Variants in PRUNE2 observed in about 807,000 individuals in gnomAD.
The protein encoded by PRUNE2 is prune homolog 2 with BCH domain, also known as protein prune homolog 2.
A neutral mutation model predicts 252.0 loss-of-function variants in PRUNE2; 164 were observed. The observed-to-expected ratio is 0.65, with a 90% CI of 0.57 to 0.74. The LOEUF (loss-of-function observed/expected upper bound fraction) is 0.74. Among genes scored for constraint, PRUNE2 ranks in the 30% least tolerant of loss-of-function variants. PRUNE2 has a pLI of 0.00. For missense variants in PRUNE2, 3,495 were observed against 3,711.0 expected (o/e 0.94, Z 1.51); for synonymous variants, 1,292 against 1,350.2 (o/e 0.96, Z 0.94).
intron 6 of PRUNE2, among the ~76,000 whole-genome samples, chr9:76,760,913 C>G (rs913295835): frequency 6.6e-6 from 1 of 152,002 alleles, no homozygotes; most frequent in African/African-American, 2.4e-5. Flanking sequence ...CTGCGAAACT[C>G]CATCTCTATT....
At chr9:76,798,806 A>G (rs1246995455) in intron 6 of PRUNE2, among the ~76,000 whole-genome samples, 2 of 152,042 alleles carry the variant, frequency 1.3e-5, no homozygotes, top group African/African-American at 4.8e-5. Flanking sequence ...CCTATACTAA[A>G]CGGTGTGAGT....
intron 6 of PRUNE2, among the ~76,000 whole-genome samples, chr9:76,755,257 T>A (rs1229236840): frequency 6.6e-6 from 1 of 152,182 alleles, no homozygotes; most frequent in Non-Finnish European, 1.5e-5. Context: ...GTTCACACCA[T>A]ATCTTTGATA....
At position 76,703,104 on chromosome 9, in the gene PRUNE2, A is replaced by T. The variant is rs535940717; in HGVS notation, c.8276+233T>A. Among the ~76,000 whole-genome samples the T allele has an allele frequency of 4.8e-5, 3 of 62,442 alleles. No homozygotes were observed. The South Asian group carries it at 1.6e-3, about 34-fold the overall frequency. The allele number at this position is 62,442 out of a possible 152,430, so 41.0% of individuals were successfully genotyped here. ...GTAGGTGGGGTGGCAGTTGGGGGGTAGGTATAAGACTGAATGAAAATTGAA... is the reference window on the plus strand; with the variant it reads ...GTAGGTGGGGTGGCAGTTGGGGGGTTGGTATAAGACTGAATGAAAATTGAA... On this transcript the variant is annotated intron_variant, in intron 9 of 18. Coordinates refer to ENST00000376718, the MANE Select transcript of PRUNE2 (RefSeq NM_015225.3).
intron 2 of PRUNE2, among the ~76,000 whole-genome samples, chr9:76,851,241 G>T (rs537604111): frequency 1.3e-5 from 2 of 152,192 alleles, no homozygotes; most frequent in East Asian, 3.9e-4. Context: ...TTCAGGCCCA[G>T]TGTAGTTAAA....
intron 9 of PRUNE2, among the ~76,000 whole-genome samples, chr9:76,690,403 G>A (rs2044585318): frequency 6.6e-6 from 1 of 152,202 alleles, no homozygotes; most frequent in Non-Finnish European, 1.5e-5. Flanking sequence ...GCTTTTATTT[G>A]CTGTAGATAA....
At position 76,828,175 on chromosome 9, in the gene PRUNE2, G is replaced by A. The variant is rs977668359; in HGVS notation, c.509-1443C>T. 3.0e-4 allele frequency among the ~76,000 whole-genome samples: 45 copies of A among 152,330 alleles called. No homozygotes were observed. The Middle Eastern group carries it at 0.01, about 35-fold the overall frequency. The stretch of plus-strand genomic sequence containing the variant: ...GTTCAGAGGAGTCTTCCTAGAGAAA[G>A]TTAACCTAAGCTGAGCTTGAAGGAT... On this transcript the variant is annotated intron_variant, in intron 4 of 18. Transcript: ENST00000376718.
In PRUNE2 at chr9:76,619,465, A is replaced by G. The variant is rs78467375; in HGVS notation, c.9189-78T>C. The G allele has an allele frequency of 3.0e-3, 2,934 of 976,968 alleles. 14 individuals are homozygous for G. The highest frequency in any genetic ancestry group is 2.8e-3 in the Non-Finnish European group (1,741 of 625,590). The allele number at this position is 976,968 out of a possible 1,614,324, so 60.5% of individuals were successfully genotyped here. A position where few individuals can be genotyped will look rare whatever the true frequency, so the allele number is the denominator to read the frequency against. On this transcript the variant is annotated intron_variant, in intron 17 of 18. Coordinates refer to ENST00000376718, the MANE Select transcript of PRUNE2 (RefSeq NM_015225.3). Reference sequence around the variant, plus strand: ...TGTGAAAGCACAACAGATTTGAGGCATTTGAAACTGTTTAATGTGGTCCCA... The same window carrying G: ...TGTGAAAGCACAACAGATTTGAGGCGTTTGAAACTGTTTAATGTGGTCCCA...
intron 6 of PRUNE2, among the ~76,000 whole-genome samples, chr9:76,732,629 T>C (rs911365582): frequency 9.9e-5 from 15 of 152,204 alleles, no homozygotes. Context: ...GTCTAGGTTG[T>C]ATAGTTTGTC....
intron 12 of PRUNE2, chr9:76,644,513 T>A (rs1460637790): frequency 1.6e-6 from 1 of 639,144 alleles, no homozygotes; most frequent in African/African-American, 1.8e-5. Flanking sequence ...ATATGTAGCA[T>A]GAAAAGCCCG....
At chr9:76,881,315 A>T (rs561657368) in intron 1 of PRUNE2, among the ~76,000 whole-genome samples, 10 of 152,276 alleles carry the variant, frequency 6.6e-5, no homozygotes, top group African/African-American at 2.4e-4. Flanking sequence ...AAAACGTTTG[A>T]GAAGCACTAT....
rs372464983 is a variant in PRUNE2, at chr9:76,709,380, G to C, written c.2894C>G (p.Thr965Ser). 1.4e-5 allele frequency: 23 copies of C among 1,613,890 alleles called. No homozygotes were observed. In the African/African-American group the frequency reaches 2.9e-4, roughly 21 times the overall value. The stretch of plus-strand genomic sequence containing the variant: ...GTAAGAGTCTGAGGTGGAATAATTG[G>C]TATCTAAGGGGGAAGGCACCGAATC... The part of the protein sequence containing the change: ...GEDSVPSPLD[T>S]NYSTSDSYTS... The change falls in exon 8 of 19, where the codon ACC (threonine) becomes AGC (serine). Residue 965 changes from threonine (T) to serine (S), a missense_variant. Thr to Ser is a moderately conservative substitution (Grantham distance 58). Coordinates refer to ENST00000376718, the MANE Select transcript of PRUNE2 (RefSeq NM_015225.3).
At chr9:76,737,776 C>G (rs1234167818) in intron 6 of PRUNE2, 1 of 152,220 alleles carries the variant, frequency 6.6e-6, no homozygotes, top group East Asian at 1.9e-4. Context: ...ACAACTACAG[C>G]AAATGAACTG....
intron 1 of PRUNE2, among the ~76,000 whole-genome samples, chr9:76,861,786 A>ATTTTTTTT (rs141659920): frequency 7.3e-6 from 1 of 137,148 alleles, no homozygotes; most frequent in African/African-American, 2.6e-5. Context: ...TATTTACAGC[A>ATTTTTTTT]TTTTTTTTTT....
At chr9:76,837,835 A>ATG (rs2059125181) in intron 4 of PRUNE2, among the ~76,000 whole-genome samples, 1 of 149,906 alleles carries the variant, frequency 6.7e-6, no homozygotes. Flanking sequence ...GCAGTGGCGC[A>ATG]ATCTCGGCTC....
At chr9:76,866,380 G>A (rs1359663704) in intron 1 of PRUNE2, among the ~76,000 whole-genome samples, 1 of 152,216 alleles carries the variant, frequency 6.6e-6, no homozygotes, top group African/African-American at 2.4e-5. Flanking sequence ...TTTACATACA[G>A]TGATTTCTAA....
At chr9:76,758,505 T>TAA (rs1218433061) in intron 6 of PRUNE2, 3 of 144,654 alleles carry the variant, frequency 2.1e-5, no homozygotes, top group African/African-American at 8.0e-5. Context: ...TAAAAAAATT[T>TAA]TTTTTTTTTT....
intron 1 of PRUNE2, among the ~76,000 whole-genome samples, chr9:76,865,704 T>C (rs935063685): frequency 1.6e-4 from 24 of 152,252 alleles, no homozygotes; most frequent in African/African-American, 4.3e-4. Context: ...ACCTTGTTAA[T>C]AGCACAAAAG....
chr9:76,704,507 G>A (rs961909799), intron 8 of PRUNE2, among the ~76,000 whole-genome samples: 1 of 152,166 alleles, frequency 6.6e-6, no homozygotes, highest in Non-Finnish European at 1.5e-5. Context: ...TTACAGGCGT[G>A]AGCCACCGCG....
At position 76,726,831 on chromosome 9, in the gene PRUNE2, T is replaced by A. The variant is rs149465962; in HGVS notation, c.757-13110A>T. Among the ~76,000 whole-genome samples, 848 of 152,306 alleles carry A rather than the reference T, an allele frequency of 5.6e-3. 10 individuals carry two copies. Among genetic ancestry groups the A allele is most frequent in the African/African-American group, 0.019 (788 of 41,560 alleles). ...TGCTATTAGTACCATCTATGAGGCATTAAAATGCTTTAAATACAAATTTGA... is the reference window on the plus strand; with the variant it reads ...TGCTATTAGTACCATCTATGAGGCAATAAAATGCTTTAAATACAAATTTGA... On this transcript the variant is annotated intron_variant, in intron 6 of 18. Coordinates refer to ENST00000376718, the MANE Select transcript of PRUNE2 (RefSeq NM_015225.3).
Sources: allele counts gnomAD v4.1 joint callset (sites outside exome capture counted in the v4.1 genomes callset), GRCh38; gene constraint gnomAD v4.1.1; transcripts MANE v1.5; gene names NCBI Gene and HGNC (gene_info 2026-07-23, HGNC 2026-07-21).